CDKL4: variants seen among roughly 807,000 people sequenced by gnomAD.
The protein encoded by CDKL4 is cyclin dependent kinase like 4.
A neutral mutation model predicts 42.0 loss-of-function variants in CDKL4; 44 were observed. The observed-to-expected ratio is 1.05, with a 90% CI of 0.82 to 1.35. CDKL4 has a LOEUF of 1.35. Ranked by LOEUF, CDKL4 falls within the 40% of genes most tolerant of loss-of-function variation. The pLI is 0.00. For synonymous variants in CDKL4, 120 were observed against 121.6 expected, an observed-to-expected ratio of 0.99 and a Z score of 0.09; for missense variants, 393 against 369.9, an observed-to-expected ratio of 1.06 and a Z score of -0.51.
At chr2:39,169,354 A>G in the CDKL4 span, among the ~76,000 whole-genome samples, 1 of 152,200 alleles carries the variant, frequency 6.6e-6, no homozygotes, top group African/African-American at 2.4e-5. Flanking sequence ...CCTGTAAACT[A>G]CTATTGACAT....
chr2:39,168,276 A>C, the CDKL4 span, among the ~76,000 whole-genome samples: 3 of 152,252 alleles, frequency 2.0e-5, no homozygotes, highest in Admixed American at 6.5e-5. Flanking sequence ...TAAAATAATA[A>C]ATGGACACAC....
At chr2:39,235,264 G>A (rs1679309071) in intron 1 of CDKL4, among the ~76,000 whole-genome samples, 1 of 152,100 alleles carries the variant, frequency 6.6e-6, no homozygotes, top group African/African-American at 2.4e-5. Context: ...ATCCAATCAA[G>A]AGTTGACTGG....
chr2:39,212,207 A>C (rs973161663), intron 4 of CDKL4, among the ~76,000 whole-genome samples: 2 of 151,996 alleles, frequency 1.3e-5, no homozygotes, highest in Non-Finnish European at 2.9e-5. Context: ...CTCAAGCTTG[A>C]GAACTACGGC....
At chr2:39,189,372 A>G (rs1676037415) in intron 6 of CDKL4, among the ~76,000 whole-genome samples, 1 of 152,218 alleles carries the variant, frequency 6.6e-6, no homozygotes, top group Non-Finnish European at 1.5e-5. Flanking sequence ...CAGGCCAATC[A>G]TGGAAGCTCC....
chr2:39,205,574 C>T (rs1303597205), intron 4 of CDKL4, among the ~76,000 whole-genome samples: 1 of 151,698 alleles, frequency 6.6e-6, no homozygotes, highest in Non-Finnish European at 1.5e-5. Flanking sequence ...TCCTGGCCAA[C>T]ACGGTGAAAC....
upstream of CDKL4, among the ~76,000 whole-genome samples, chr2:39,246,684 A>G (rs1679927028): frequency 6.6e-6 from 1 of 151,902 alleles, no homozygotes; most frequent in African/African-American, 2.4e-5. Flanking sequence ...ATTTCTCTTC[A>G]TCTATCAACA....
intron 2 of CDKL4, 141 bp downstream of exon 2, chr2:39,229,224 A>G: frequency 1.6e-6 from 1 of 625,848 alleles, no homozygotes; most frequent in East Asian, 2.9e-5. Context: ...CCAAAGTGAT[A>G]ATCAACTTAT....
chr2:39,187,474 G>C (rs1342878995), intron 7 of CDKL4, among the ~76,000 whole-genome samples, 153 bp downstream of exon 7: 1 of 151,182 alleles, frequency 6.6e-6, no homozygotes, highest in Non-Finnish European at 1.5e-5. Context: ...GAGTCTCGGA[G>C]GTTGAGGCTG....
At chr2:39,205,955 G>A (rs1007852344) in intron 4 of CDKL4, among the ~76,000 whole-genome samples, 2 of 152,118 alleles carry the variant, frequency 1.3e-5, no homozygotes, top group Non-Finnish European at 2.9e-5. Context: ...AACCTGGAAC[G>A]ATCAGCAACA....
intron 8 of CDKL4, among the ~76,000 whole-genome samples, chr2:39,179,939 A>C (rs1675340720): frequency 6.6e-6 from 1 of 152,198 alleles, no homozygotes; most frequent in Non-Finnish European, 1.5e-5. Context: ...TGACCCTTCT[A>C]TATTTGAGAC....
At chr2:39,215,272 A>G (rs961056405) in intron 3 of CDKL4, among the ~76,000 whole-genome samples, 1 of 152,194 alleles carries the variant, frequency 6.6e-6, no homozygotes, top group Non-Finnish European at 1.5e-5. Flanking sequence ...CCCTTATTGG[A>G]TACTACATTT....
At chr2:39,197,263 C>G (rs1676571186) in intron 5 of CDKL4, among the ~76,000 whole-genome samples, 1 of 152,010 alleles carries the variant, frequency 6.6e-6, no homozygotes, top group Non-Finnish European at 1.5e-5. Flanking sequence ...TCAAATTAAC[C>G]CAATCTGTCA....
chr2:39,225,708 G>T, intron 3 of CDKL4, 131 bp downstream of exon 3: 2 of 831,022 alleles, frequency 2.4e-6, no homozygotes, highest in Non-Finnish European at 1.8e-6. Flanking sequence ...TCCTGAGACT[G>T]GATGGGGTAG....
intron 6 of CDKL4, among the ~76,000 whole-genome samples, chr2:39,188,578 A>C (rs1049553898): frequency 4.6e-5 from 7 of 150,996 alleles, no homozygotes; most frequent in Admixed American, 4.6e-4. Flanking sequence ...AAAAAAAAAA[A>C]AAAAAAAAAA....
intron 6 of CDKL4, among the ~76,000 whole-genome samples, chr2:39,188,560 CAAAAAAAAAAAA>C (rs34568815): frequency 1.5e-4 from 7 of 45,262 alleles, no homozygotes; most frequent in South Asian, 1.6e-3. Flanking sequence ...CAGTCCGTCT[CAAAAAAAAAAAA>C]AAAAAAAAAA....
At chr2:39,227,992 CA>C (rs1242394545) in intron 2 of CDKL4, among the ~76,000 whole-genome samples, 2 of 152,174 alleles carry the variant, frequency 1.3e-5, no homozygotes, top group African/African-American at 4.8e-5. Flanking sequence ...TACATGGACA[CA>C]ACATACCAAA....
At chr2:39,236,652 G>T (rs1488352152) in intron 1 of CDKL4, among the ~76,000 whole-genome samples, 1 of 151,874 alleles carries the variant, frequency 6.6e-6, no homozygotes, top group African/African-American at 2.4e-5. Flanking sequence ...TCTTTGAAAA[G>T]ATCAACAAAA....
the CDKL4 span, among the ~76,000 whole-genome samples, chr2:39,168,530 G>C: frequency 2.0e-5 from 3 of 152,082 alleles, no homozygotes; most frequent in African/African-American, 7.2e-5. Flanking sequence ...AAGGTCAGGA[G>C]TTCAAGACCA....
At chr2:39,239,406 A>T (rs1172923575) in intron 1 of CDKL4, among the ~76,000 whole-genome samples, 2 of 152,252 alleles carry the variant, frequency 1.3e-5, no homozygotes, top group Non-Finnish European at 2.9e-5. Context: ...TTCCCCATTA[A>T]GAAAATGAAA....
Sources: gnomAD v4.1 joint callset for allele counts (sites outside exome capture counted in the v4.1 genomes callset) on GRCh38, gnomAD v4.1.1 for gene constraint, MANE v1.5 for transcripts, NCBI Gene and HGNC (gene_info 2026-07-23, HGNC 2026-07-21) for gene names.